Variants in ABLIM2 observed in about 807,000 individuals in gnomAD.
ABLIM2 encodes actin binding LIM protein family member 2, also known as actin-binding LIM protein 2.
In ABLIM2, 53 loss-of-function variants were observed where a neutral mutation model predicts 97.7. The observed-to-expected ratio is 0.54, with a 90% CI of 0.44 to 0.68. The LOEUF is 0.68. Ranked by LOEUF, ABLIM2 falls within the 30% of genes least tolerant of loss-of-function variation. The probability of loss-of-function intolerance (pLI) is 0.00; values close to 1 mark genes in which losing one functional copy is unlikely to be tolerated. For synonymous variants in ABLIM2, 361 were observed against 345.8 expected (o/e 1.04, Z -0.49); for missense variants, 835 against 867.2 (o/e 0.96, Z 0.47).
chr4:7,989,512 C>T, intron 17 of ABLIM2: 1 of 734,878 alleles, frequency 1.4e-6, no homozygotes, highest in Non-Finnish European at 1.7e-6. Context: ...TCCATTATGC[C>T]TCCATAATGA....
intron 4 of ABLIM2, among the ~76,000 whole-genome samples, chr4:8,084,629 G>A (rs570064970): frequency 6.6e-6 from 1 of 152,202 alleles, no homozygotes; most frequent in East Asian, 1.9e-4. Context: ...ACTCTGGTGG[G>A]GCCTCCCCAG....
chr4:8,128,623 G>A lies in ABLIM2; in HGVS notation c.11-21986C>T, dbSNP rs1312693589. Among the ~76,000 whole-genome samples the A allele has an allele frequency of 6.6e-6, 1 of 152,220 alleles. No individual in the cohort carries two copies. The highest frequency in any genetic ancestry group is 1.9e-4 in the East Asian group (1 of 5,202). Reference sequence around the variant, plus strand: ...TCTCCTTGCCCTGGCTCTAAGGCAGGAAAGCGATGAAGTCATTGTCTAGCC... The same window carrying A: ...TCTCCTTGCCCTGGCTCTAAGGCAGAAAAGCGATGAAGTCATTGTCTAGCC... On this transcript the variant is annotated intron_variant, in intron 1 of 20. Coordinates refer to ENST00000447017, the MANE Select transcript of ABLIM2 (RefSeq NM_001130083.2). This position sits in a 1 kb window ranked among gnomAD's most constrained non-coding sequence, Gnocchi z 4.9.
chr4:8,024,060 G>T (rs1012175378), intron 12 of ABLIM2, among the ~76,000 whole-genome samples: 2 of 152,194 alleles, frequency 1.3e-5, no homozygotes, highest in African/African-American at 4.8e-5. Context: ...ACCTTTTGCA[G>T]CTGAAGGAAT....
In ABLIM2 at chr4:8,155,230, C is replaced by G. The variant is rs1714921807; in HGVS notation, c.10+3450G>C. Reference sequence around the variant, plus strand: ...ACTGGCTTCCACGGTTTGGTGGTTTCTAACATTTTGTTGTTACTAGTAAGT... The same window carrying G: ...ACTGGCTTCCACGGTTTGGTGGTTTGTAACATTTTGTTGTTACTAGTAAGT... On this transcript the variant is annotated intron_variant, in intron 1 of 20. Coordinates refer to ENST00000447017, the MANE Select transcript of ABLIM2 (RefSeq NM_001130083.2). This position sits in a 1 kb window ranked among gnomAD's most constrained non-coding sequence, Gnocchi z 4.2. Among the ~76,000 whole-genome samples the G allele has an allele frequency of 6.6e-6, 1 of 152,228 alleles. No individual in the cohort carries two copies. The highest frequency in any genetic ancestry group is 1.5e-5 in the Non-Finnish European group (1 of 68,038).
At chr4:8,114,703 C>T (rs922634337) in intron 1 of ABLIM2, among the ~76,000 whole-genome samples, 3 of 152,180 alleles carry the variant, frequency 2.0e-5, no homozygotes, top group African/African-American at 2.4e-5. Flanking sequence ...CCAGACAGGG[C>T]GGCCCTCTGT....
Position 7,983,254 on chromosome 4 carries a change from C to A in ABLIM2, c.1824+10G>T, listed in dbSNP as rs749212199. On this transcript the variant is annotated intron_variant, in intron 20 of 20. Transcript: ENST00000447017. Reference sequence around the variant, plus strand: ...AAATGAGTCCCCTGCCCCGGCAGTCCCCCGCTTACCTCCAGTCTCGTCCGG... The same window carrying A: ...AAATGAGTCCCCTGCCCCGGCAGTCACCCGCTTACCTCCAGTCTCGTCCGG... The A allele has an allele frequency of 1.9e-6, 3 of 1,606,624 alleles. No homozygotes were observed. The highest frequency in any genetic ancestry group is 2.5e-6 in the Non-Finnish European group (3 of 1,177,070).
chr4:8,089,114 C>A (rs377087751), intron 3 of ABLIM2, among the ~76,000 whole-genome samples: 2 of 152,330 alleles, frequency 1.3e-5, no homozygotes, highest in East Asian at 1.9e-4. Context: ...TTTGGCACCA[C>A]CTTAAAGTCC....
In ABLIM2 at chr4:8,085,159, C is replaced by T. The variant is rs1053905961; in HGVS notation, c.454+3010G>A. Among the ~76,000 whole-genome samples, 2 of 152,082 alleles carry T rather than the reference C, an allele frequency of 1.3e-5. No individual in the cohort carries two copies. The highest frequency in any genetic ancestry group is 4.8e-5 in the African/African-American group (2 of 41,412). ...GGCAGCAGAGGGAAGCTCAGGGCCACGGGACTCAAGCTTGAGCTCTGCCTC... is the reference window on the plus strand; with the variant it reads ...GGCAGCAGAGGGAAGCTCAGGGCCATGGGACTCAAGCTTGAGCTCTGCCTC... On this transcript the variant is annotated intron_variant, in intron 4 of 20. Coordinates refer to ENST00000447017, the MANE Select transcript of ABLIM2 (RefSeq NM_001130083.2). This position sits in a 1 kb window ranked among gnomAD's most constrained non-coding sequence, Gnocchi z 6.1.
chr4:7,990,288 C>T (rs997463027), intron 17 of ABLIM2, among the ~76,000 whole-genome samples: 5 of 152,116 alleles, frequency 3.3e-5, no homozygotes, highest in East Asian at 1.9e-4. Flanking sequence ...CCTCTGCCTC[C>T]GAGGTTCAAG....
Position 8,023,637 on chromosome 4 carries a change from C to T in ABLIM2, c.1268-3334G>A, listed in dbSNP as rs561178292. On this transcript the variant is annotated intron_variant, in intron 12 of 20. Transcript: ENST00000447017. This position sits in a 1 kb window ranked among gnomAD's most constrained non-coding sequence, Gnocchi z 5.7. ...ACATGGCGCTCTCGGGAAGGAGCCA[C>T]TCTGTGTAGCCCACACTTGTCCACA... Among the ~76,000 whole-genome samples the T allele has an allele frequency of 2.7e-4, 41 of 152,350 alleles. No homozygotes were observed. The highest frequency in any genetic ancestry group is 5.2e-4 in the Admixed American group (8 of 15,306).
chr4:8,142,541 C>T (rs1851147295), intron 1 of ABLIM2, among the ~76,000 whole-genome samples: 1 of 152,240 alleles, frequency 6.6e-6, no homozygotes, highest in Non-Finnish European at 1.5e-5. Context: ...AGTGCCCACC[C>T]CAGCCCTCTG....
At position 8,140,658 on chromosome 4, in the gene ABLIM2, G is replaced by T. The variant is rs1197222721; in HGVS notation, c.10+18022C>A. Among the ~76,000 whole-genome samples the T allele has an allele frequency of 6.6e-6, 1 of 152,114 alleles. No homozygotes were observed. The highest frequency in any genetic ancestry group is 2.4e-5 in the African/African-American group (1 of 41,406). ...TGATGGAAGCAATGATGATAAAATC[G>T]ACCCCAGAGAATACACAAGAGGGCA... On this transcript the variant is annotated intron_variant, in intron 1 of 20. Transcript: ENST00000447017. The surrounding 1 kb of genome is among the most constrained non-coding windows in gnomAD (Gnocchi z 5.9).
rs1269239872 is a variant in ABLIM2, at chr4:8,132,021, C to T, written c.11-25384G>A. On this transcript the variant is annotated intron_variant, in intron 1 of 20. Coordinates refer to ENST00000447017, the MANE Select transcript of ABLIM2 (RefSeq NM_001130083.2). This position sits in a 1 kb window ranked among gnomAD's most constrained non-coding sequence, Gnocchi z 8.0. ...TGCACAGCAGCCCGCATCCCCTGCA[C>T]GGCAGCCTGCATCCCCGAGCACAGC... Among the ~76,000 whole-genome samples, 4 of 151,734 alleles carry T rather than the reference C, an allele frequency of 2.6e-5. No homozygotes were observed. The highest frequency in any genetic ancestry group is 4.4e-5 in the Non-Finnish European group (3 of 68,022).
intron 1 of ABLIM2, among the ~76,000 whole-genome samples, chr4:8,111,124 G>A (rs11733210): frequency 6.6e-6 from 1 of 152,184 alleles, no homozygotes; most frequent in South Asian, 2.1e-4. Context: ...ATGGATAAAC[G>A]AGCTGGGGTG....
rs1335245784 is a variant in ABLIM2, at chr4:8,032,997, A to G, written c.1047+3152T>C. ...CACAAAGATGTGTTTTCCCAAAAGG[A>G]AGACACTGGCTCAGGGCACAGGCAG... On this transcript the variant is annotated intron_variant, in intron 10 of 20. Transcript: ENST00000447017. This position sits in a 1 kb window ranked among gnomAD's most constrained non-coding sequence, Gnocchi z 4.3. Among the ~76,000 whole-genome samples the G allele has an allele frequency of 6.6e-6, 1 of 152,230 alleles. No individual in the cohort carries two copies. Among genetic ancestry groups the G allele is most frequent in the Non-Finnish European group, 1.5e-5 (1 of 68,050 alleles).
intron 8 of ABLIM2, among the ~76,000 whole-genome samples, chr4:8,050,767 G>C (rs1795495573): frequency 1.3e-5 from 2 of 152,166 alleles, no homozygotes; most frequent in Admixed American, 1.3e-4. Flanking sequence ...AGGGGACCGA[G>C]ATGTGTATGA....
intron 3 of ABLIM2, among the ~76,000 whole-genome samples, 194 bp from the exon 4 acceptor site, chr4:8,088,478 C>T (rs1005146443): frequency 1.3e-5 from 2 of 152,176 alleles, no homozygotes; most frequent in African/African-American, 2.4e-5. Context: ...AGGTAGTCAT[C>T]GACACCTGAG....
chr4:8,027,018 G>A (rs943067589), intron 12 of ABLIM2, among the ~76,000 whole-genome samples: 1 of 151,786 alleles, frequency 6.6e-6, no homozygotes, highest in Admixed American at 6.6e-5. Flanking sequence ...TGTGTGTGGA[G>A]AGGGAGCGAG....
intron 20 of ABLIM2, among the ~76,000 whole-genome samples, chr4:7,979,056 C>T (rs537951663): frequency 6.6e-6 from 1 of 152,234 alleles, no homozygotes; most frequent in South Asian, 2.1e-4. Context: ...CCACCTGGTG[C>T]TGTCTGGACC....
Sources: gnomAD v4.1 joint callset for allele counts (sites outside exome capture counted in the v4.1 genomes callset) on GRCh38, gnomAD v4.1.1 for gene constraint, Gnocchi (gnomAD v3.1) non-coding constraint, MANE v1.5 for transcripts, NCBI Gene and HGNC (gene_info 2026-07-23, HGNC 2026-07-21) for gene names.